FRMD4A: variants seen among roughly 807,000 people sequenced by gnomAD.
FRMD4A encodes FERM domain containing 4A.
A neutral mutation model predicts 129.1 loss-of-function variants in FRMD4A; 29 were observed. The ratio of observed to expected loss-of-function variants is 0.22; its 90% confidence interval spans 0.17 to 0.31. The LOEUF (loss-of-function observed/expected upper bound fraction) is 0.31, where lower values mean the gene tolerates loss of function less well. Ranked by LOEUF, FRMD4A falls within the 10% of genes least tolerant of loss-of-function variation. The pLI is 1.00. For synonymous variants in FRMD4A, 634 were observed against 571.6 expected, an observed-to-expected ratio of 1.11 and a Z score of -1.56; for missense variants, 1,272 against 1,375.8, an observed-to-expected ratio of 0.92 and a Z score of 1.19.
intron 2 of FRMD4A, among the ~76,000 whole-genome samples, chr10:14,075,736 T>C (rs113652601): frequency 3.9e-4 from 38 of 98,122 alleles, no homozygotes; most frequent in African/African-American, 1.5e-3. Context: ...ATATAGTGTG[T>C]GTGTATATTT....
At chr10:13,895,187 G>T (rs2094743353) in intron 2 of FRMD4A, among the ~76,000 whole-genome samples, 1 of 152,136 alleles carries the variant, frequency 6.6e-6, no homozygotes. Flanking sequence ...TGTCACTGAG[G>T]TATTAAGCCT....
chr10:14,166,675 A>G (rs186702616), intron 2 of FRMD4A, among the ~76,000 whole-genome samples: 1 of 152,304 alleles, frequency 6.6e-6, no homozygotes, highest in Admixed American at 6.5e-5. Context: ...AATGCTGGTT[A>G]TTATTACTCA....
intron 4 of FRMD4A, among the ~76,000 whole-genome samples, chr10:13,808,666 C>T (rs1477928666): frequency 6.6e-6 from 1 of 152,232 alleles, no homozygotes; most frequent in Non-Finnish European, 1.5e-5. Context: ...TCTTCACCTC[C>T]TCTGGGCTCC....
chr10:13,659,887 A>C (rs1270612711), intron 20 of FRMD4A, among the ~76,000 whole-genome samples: 1 of 152,188 alleles, frequency 6.6e-6, no homozygotes, highest in Non-Finnish European at 1.5e-5. Context: ...CTCCCTACAA[A>C]GTCAGCCCGG....
intron 2 of FRMD4A, chr10:13,890,862 G>A (rs1166749937): frequency 4.1e-6 from 4 of 984,930 alleles, no homozygotes; most frequent in East Asian, 1.1e-4. Context: ...GCTATTATTA[G>A]CACAGCCATC....
chr10:14,039,455 AATCT>A (rs71388152), intron 2 of FRMD4A, among the ~76,000 whole-genome samples: 6,665 of 63,810 alleles, frequency 0.1, 228 homozygotes, highest in African/African-American at 0.14. Flanking sequence ...AAAATCAATC[AATCT>A]ATCTATCTAT....
intron 2 of FRMD4A, among the ~76,000 whole-genome samples, chr10:14,239,717 G>A (rs1843972421): frequency 6.6e-6 from 1 of 152,172 alleles, no homozygotes; most frequent in African/African-American, 2.4e-5. Flanking sequence ...TGTAACTACT[G>A]AAACTACCTG....
intron 6 of FRMD4A, among the ~76,000 whole-genome samples, chr10:13,772,256 C>T (rs2092479951): frequency 7.0e-6 from 1 of 142,162 alleles, no homozygotes; most frequent in Non-Finnish European, 1.5e-5. Flanking sequence ...ATAGCTAATC[C>T]CTTTGGGCAA....
intron 2 of FRMD4A, among the ~76,000 whole-genome samples, chr10:14,133,787 A>G (rs1839391638): frequency 6.6e-6 from 1 of 152,214 alleles, no homozygotes; most frequent in Non-Finnish European, 1.5e-5. Context: ...ATATCTTATG[A>G]GTCTGTATTC....
chr10:13,841,978 T>C (rs2093974071), intron 3 of FRMD4A, among the ~76,000 whole-genome samples: 1 of 152,118 alleles, frequency 6.6e-6, no homozygotes, highest in African/African-American at 2.4e-5. Flanking sequence ...AGTGCCAGAA[T>C]TGCACCGCGA....
chr10:13,951,306 G>A (rs1229982072), intron 2 of FRMD4A, among the ~76,000 whole-genome samples: 3 of 152,124 alleles, frequency 2.0e-5, no homozygotes, highest in Non-Finnish European at 2.9e-5. Context: ...TGCACCTGAT[G>A]GCTAGTAGGG....
intron 2 of FRMD4A, among the ~76,000 whole-genome samples, chr10:13,894,341 G>C (rs1258731886): frequency 6.6e-6 from 1 of 152,142 alleles, no homozygotes; most frequent in Non-Finnish European, 1.5e-5. Context: ...TGGCTTTGGG[G>C]ACAAAAAGTC....
At chr10:13,873,901 G>T (rs2131095110) in intron 2 of FRMD4A, among the ~76,000 whole-genome samples, 1 of 152,062 alleles carries the variant, frequency 6.6e-6, no homozygotes. Context: ...AACCTTTAAA[G>T]ATATGTTCAA....
intron 6 of FRMD4A, 26 bp downstream of exon 6, chr10:13,782,896 G>A (rs762451984): frequency 3.9e-6 from 4 of 1,023,414 alleles, no homozygotes; most frequent in South Asian, 2.5e-5. Flanking sequence ...GTTTCAGAGG[G>A]AAATTGAGGG....
At chr10:13,660,255 C>G (rs998257508) in intron 20 of FRMD4A, 61 bp downstream of exon 20, 2 of 1,091,280 alleles carry the variant, frequency 1.8e-6, no homozygotes, top group Non-Finnish European at 2.8e-6. Flanking sequence ...TGGGACGGCC[C>G]TTTGATTCTT....
intron 2 of FRMD4A, among the ~76,000 whole-genome samples, chr10:14,240,646 T>C (rs1844009122): frequency 6.6e-6 from 1 of 152,150 alleles, no homozygotes; most frequent in African/African-American, 2.4e-5. Context: ...GTTTAACCAT[T>C]ATTATTAAAT....
chr10:13,749,387 T>G (rs1404733968), intron 8 of FRMD4A, among the ~76,000 whole-genome samples: 1 of 151,892 alleles, frequency 6.6e-6, no homozygotes, highest in African/African-American at 2.4e-5. Flanking sequence ...TAAAAAGCAA[T>G]GAAACAAGGT....
chr10:14,177,102 AG>A (rs1248192809), intron 2 of FRMD4A, among the ~76,000 whole-genome samples: 1 of 152,212 alleles, frequency 6.6e-6, no homozygotes, highest in African/African-American at 2.4e-5. Flanking sequence ...TGACATGTAA[AG>A]GTTCATGAAC....
At chr10:13,731,573 G>A (rs953301060) in intron 12 of FRMD4A, among the ~76,000 whole-genome samples, 1 of 151,026 alleles carries the variant, frequency 6.6e-6, no homozygotes, top group Non-Finnish European at 1.5e-5. Context: ...TGCTTGAACC[G>A]GGGAGGTGGA....
Sources: allele counts gnomAD v4.1 joint callset (sites outside exome capture counted in the v4.1 genomes callset), GRCh38; gene constraint gnomAD v4.1.1; transcripts MANE v1.5; gene names NCBI Gene and HGNC (gene_info 2026-07-23, HGNC 2026-07-21).